CD163L1: variants seen among roughly 807,000 people sequenced by gnomAD.
CD163L1 encodes the protein CD163 molecule like 1.
CD163L1 carries 124 observed loss-of-function variants against 165.4 expected under a neutral mutation model. The ratio of observed to expected loss-of-function variants is 0.75; its 90% CI spans 0.65 to 0.87. The LOEUF is 0.87. Ranked by LOEUF, CD163L1 falls within the 40% of genes least tolerant of loss-of-function variation. CD163L1 has a pLI of 0.00. For missense variants in CD163L1, 1,525 were observed against 1,799.9 expected, an observed-to-expected ratio of 0.85 and a Z score of 2.76; for synonymous variants, 585 against 662.2, an observed-to-expected ratio of 0.88 and a Z score of 1.79.
intron 4 of CD163L1, among the ~76,000 whole-genome samples, chr12:7,411,430 G>A (rs1168030787): frequency 6.6e-6 from 1 of 152,190 alleles, no homozygotes; most frequent in Non-Finnish European, 1.5e-5. Flanking sequence ...TGTGGGAGGT[G>A]TTTTGGTCAT....
In CD163L1 at chr12:7,403,834, C is replaced by A; in HGVS notation, c.1109G>T (p.Arg370Leu). Reference sequence around the variant, plus strand: ...ACAATTGTTACTTCCATCTGCTAGTCGCAGTTCCAAATCTGCTCCATCTAG... The same window carrying A: ...ACAATTGTTACTTCCATCTGCTAGTAGCAGTTCCAAATCTGCTCCATCTAG... ...ICSDGADLEL[R>L]LADGSNNCSG... Residue 370 changes from arginine to leucine, a missense_variant, in exon 6 of 20, where the codon CGA becomes CTA. Coordinates refer to ENST00000313599, the MANE Select transcript of CD163L1 (RefSeq NM_174941.6). 6.2e-7 allele frequency: 1 copy of A among 1,613,256 alleles called. No homozygotes were observed. Among genetic ancestry groups the A allele is most frequent in the Non-Finnish European group, 8.5e-7 (1 of 1,179,728 alleles).
chr12:7,373,609 A>G lies in CD163L1; in HGVS notation c.3441T>C (p.Thr1147=). Residue 1147 remains threonine, a synonymous_variant, in exon 14 of 20, where the codon ACT becomes ACC. Transcript: ENST00000313599. ...ATCTCCCAGCACAGCTCTCTGTTTC[A>G]GTTTCACTGTAGAGCCTCAAGGCTG... The part of the protein sequence containing the change: ...EFTALRLYSE[T]ETESCAGRLE... 6.2e-7 allele frequency: 1 copy of G among 1,610,492 alleles called. No individual in the cohort carries two copies.
At chr12:7,437,234 T>TTAAATAGTATTTAAATACTATTTAAA (rs59255395) in intron 2 of CD163L1, among the ~76,000 whole-genome samples, 1 of 120,620 alleles carries the variant, frequency 8.3e-6, no homozygotes, top group Non-Finnish European at 1.6e-5. Context: ...TTAAAAGTAT[T>TTAAATAGTATTTAAATACTATTTAAA]TACTTTTAAA....
the CD163L1 span, among the ~76,000 whole-genome samples, chr12:7,330,963 T>C: frequency 6.6e-6 from 1 of 152,144 alleles, no homozygotes; most frequent in African/African-American, 2.4e-5. Context: ...CAGTGCACCG[T>C]GCACGAGCTG....
intron 19 of CD163L1, among the ~76,000 whole-genome samples, chr12:7,355,509 C>T (rs1381462478): frequency 6.6e-6 from 1 of 152,086 alleles, no homozygotes; most frequent in African/African-American, 2.4e-5. Context: ...ATGGATTCTG[C>T]TAAGTCAGAA....
chr12:7,340,148 A>C, the CD163L1 span, among the ~76,000 whole-genome samples: 1 of 152,106 alleles, frequency 6.6e-6, no homozygotes, highest in African/African-American at 2.4e-5. Flanking sequence ...CTGCTGCACA[A>C]CTTTTTATGG....
At chr12:7,409,530 C>A (rs1224614660) in intron 4 of CD163L1, among the ~76,000 whole-genome samples, 4 of 152,088 alleles carry the variant, frequency 2.6e-5, no homozygotes, top group African/African-American at 9.7e-5. Context: ...ATAGGGTTTG[C>A]GCTCCTGTGA....
chr12:7,396,475 A>G (rs1242726607), intron 7 of CD163L1, 60 bp from the exon 8 acceptor site: 95 of 1,444,992 alleles, frequency 6.6e-5, no homozygotes, highest in Non-Finnish European at 8.3e-5. Flanking sequence ...TTATATGTCA[A>G]CTTGGCTGGA....
chr12:7,366,911 T>A (rs1481720057), intron 18 of CD163L1, among the ~76,000 whole-genome samples: 2 of 152,080 alleles, frequency 1.3e-5, no homozygotes, highest in Non-Finnish European at 2.9e-5. Context: ...ACAATTATTG[T>A]TTATTGGGTT....
chr12:7,428,791 T>C (rs1253458085), intron 4 of CD163L1, among the ~76,000 whole-genome samples: 1 of 152,130 alleles, frequency 6.6e-6, no homozygotes, highest in East Asian at 1.9e-4. Flanking sequence ...TACTTAAACA[T>C]AGTGAAAATA....
intron 18 of CD163L1, among the ~76,000 whole-genome samples, chr12:7,361,042 T>C (rs1434497993): frequency 6.6e-6 from 1 of 152,182 alleles, no homozygotes; most frequent in Non-Finnish European, 1.5e-5. Context: ...TGTCTTACCA[T>C]CTCTGGTGGT....
At chr12:7,439,539 T>TGG in intron 2 of CD163L1, 5 of 1,575,426 alleles carry the variant, frequency 3.2e-6, no homozygotes, top group Non-Finnish European at 4.3e-6. Flanking sequence ...TTTTCTTCTT[T>TGG]GGGGAAGTAT....
At chr12:7,385,880 T>TA (rs1276580051) in intron 8 of CD163L1, among the ~76,000 whole-genome samples, 2 of 151,390 alleles carry the variant, frequency 1.3e-5, no homozygotes, top group African/African-American at 2.4e-5. Flanking sequence ...GCATTTATAA[T>TA]AAAAAAAGCA....
chr12:7,380,509 T>A (rs1220261845), intron 8 of CD163L1, among the ~76,000 whole-genome samples: 4 of 152,082 alleles, frequency 2.6e-5, no homozygotes. Context: ...ACTATTATTC[T>A]AAGTGAAGTA....
chr12:7,399,366 CTT>C (rs1248822408), intron 6 of CD163L1, among the ~76,000 whole-genome samples: 3 of 148,148 alleles, frequency 2.0e-5, no homozygotes, highest in East Asian at 4.0e-4. Flanking sequence ...TCTTCTTTCT[CTT>C]TCTTTCTCTG....
intron 1 of CD163L1, among the ~76,000 whole-genome samples, chr12:7,443,081 A>G (rs1591979638): frequency 6.6e-6 from 1 of 152,224 alleles, no homozygotes; most frequent in Non-Finnish European, 1.5e-5. Context: ...ACACACATGA[A>G]TTATGAAGAA....
At chr12:7,428,147 A>G (rs760634993) in intron 4 of CD163L1, among the ~76,000 whole-genome samples, 7 of 152,102 alleles carry the variant, frequency 4.6e-5, no homozygotes, top group Non-Finnish European at 1.0e-4. Context: ...AAATAAAACT[A>G]TAAAATCCTA....
At chr12:7,421,395 T>TAC (rs1491412514) in intron 4 of CD163L1, among the ~76,000 whole-genome samples, 4 of 81,062 alleles carry the variant, frequency 4.9e-5, no homozygotes, top group African/African-American at 6.3e-5. Context: ...GATATATATG[T>TAC]ATATATATCT....
At chr12:7,324,195 G>A in the CD163L1 span, 3 of 1,530,562 alleles carry the variant, frequency 2.0e-6, no homozygotes, top group Middle Eastern at 2.4e-4. Flanking sequence ...GATGTGTAAT[G>A]TACTAGTCAC....
Sources: allele counts gnomAD v4.1 joint callset (sites outside exome capture counted in the v4.1 genomes callset), GRCh38; gene constraint gnomAD v4.1.1; transcripts MANE v1.5; gene names NCBI Gene and HGNC (gene_info 2026-07-23, HGNC 2026-07-21).